The following NOD1 variants were observed in gnomAD, a reference collection of about 807,000 sequenced individuals.
NOD1 encodes nucleotide binding oligomerization domain containing 1.
Under a neutral mutation model 81.2 loss-of-function variants are expected in NOD1, and 70 were observed. The ratio of observed to expected loss-of-function variants is 0.86; its 90% confidence interval spans 0.71 to 1.05. The LOEUF (loss-of-function observed/expected upper bound fraction) is 1.05, where lower values mean the gene tolerates loss of function less well. Ranked by LOEUF, NOD1 falls within the 50% of genes least tolerant of loss-of-function variation. The pLI, the probability that NOD1 is intolerant of heterozygous loss-of-function variation, is 0.00. For missense variants in NOD1, 1,233 were observed against 1,228.0 expected, an observed-to-expected ratio of 1.00 and a Z score of -0.06; for synonymous variants, 508 against 526.9, an observed-to-expected ratio of 0.96 and a Z score of 0.49.
chr7:30,471,511 G>A (rs1206772393), intron 1 of NOD1, among the ~76,000 whole-genome samples: 1 of 152,234 alleles, frequency 6.6e-6, no homozygotes, highest in East Asian at 1.9e-4. Context: ...CCTGTGACCT[G>A]AAAACACCCA....
intron 3 of NOD1, among the ~76,000 whole-genome samples, chr7:30,457,814 G>GGCAAGGAACCTGCGGACAA (rs778415075): frequency 9.9e-4 from 151 of 152,264 alleles, no homozygotes; most frequent in Non-Finnish European, 1.8e-3. Context: ...GGTAGCCAGA[G>GGCAAGGAACCTGCGGACAA]GCAAGGAACC....
At chr7:30,450,823 C>T (rs1190966702) in intron 6 of NOD1, among the ~76,000 whole-genome samples, 1 of 152,148 alleles carries the variant, frequency 6.6e-6, no homozygotes, top group East Asian at 1.9e-4. Context: ...CCTTATCTGC[C>T]AAAATAGAGA....
At position 30,456,916 on chromosome 7, in the gene NOD1, T is replaced by C; in HGVS notation, c.6A>G (p.Glu2=). Residue 2 remains glutamate (E), a synonymous_variant, in exon 4 of 14, where the codon GAA becomes GAG. Coordinates refer to ENST00000222823, the MANE Select transcript of NOD1 (RefSeq NM_006092.4). M[E]EQGHSEMEII... ...TTTCCATCTCACTGTGGCCCTGCTC[T>C]TCCATAGTTAAAGTAGCAAGCGGCT... 2 of 1,614,024 alleles carry C rather than the reference T, an allele frequency of 1.2e-6. No individual in the cohort carries two copies. The highest frequency in any genetic ancestry group is 1.7e-6 in the Non-Finnish European group (2 of 1,179,832).
intron 1 of NOD1, among the ~76,000 whole-genome samples, chr7:30,464,817 T>C (rs1241513756): frequency 6.6e-6 from 1 of 152,220 alleles, no homozygotes; most frequent in Admixed American, 6.5e-5. Context: ...CACCTCAAAA[T>C]GTTGCTGTAA....
intron 6 of NOD1, among the ~76,000 whole-genome samples, chr7:30,448,607 C>A (rs5743349): frequency 0.025 from 3,794 of 152,290 alleles, 150 homozygotes; most frequent in African/African-American, 0.086. Flanking sequence ...TGCAGCACAG[C>A]CCCTGGCTCC....
At chr7:30,472,893 T>C (rs1009629972) in intron 1 of NOD1, among the ~76,000 whole-genome samples, 2 of 152,162 alleles carry the variant, frequency 1.3e-5, no homozygotes, top group African/African-American at 4.8e-5. Flanking sequence ...GCCTCCAAAT[T>C]CCATATGGCC....
In NOD1 at chr7:30,451,466, TG is replaced by T; in HGVS notation, c.1950del (p.Thr651ArgfsTer32). ...ATGCAGCGCAGCATCCAGATGAACG[TG>T]GGCATGGCCTGCACCTGGTTGAAGC... ...VESFNQVQAMPTFIWMLRCIY... is the reference protein window; with the variant it reads ...VESFNQVQAMXTFIWMLRCIY... On this transcript the variant is annotated frameshift_variant, in exon 6 of 14. Transcript: ENST00000222823. LOFTEE classifies it high-confidence loss of function. This position sits in a 1 kb window ranked among gnomAD's most constrained non-coding sequence, Gnocchi z 4.2. 1 of 1,613,526 alleles carries T rather than the reference TG, an allele frequency of 6.2e-7. No homozygotes were observed. Among genetic ancestry groups the T allele is most frequent in the Non-Finnish European group, 8.5e-7 (1 of 1,179,994 alleles).
At chr7:30,450,526 T>C (rs1195092373) in intron 6 of NOD1, among the ~76,000 whole-genome samples, 1 of 152,224 alleles carries the variant, frequency 6.6e-6, no homozygotes, top group Non-Finnish European at 1.5e-5. Flanking sequence ...TGGGCTCTGT[T>C]TCCCGTAAAC....
chr7:30,452,834 C>T lies in NOD1; in HGVS notation c.583G>A (p.Gly195Ser). 3 of 1,614,152 alleles carry T rather than the reference C, an allele frequency of 1.9e-6. No homozygotes were observed. Among genetic ancestry groups the T allele is most frequent in the Non-Finnish European group, 2.5e-6 (3 of 1,180,018 alleles). The change falls in exon 6 of 14, where the codon GGT (glycine) becomes AGT (serine). Residue 195 changes from glycine (G) to serine (S), a missense_variant. Coordinates refer to ENST00000222823, the MANE Select transcript of NOD1 (RefSeq NM_006092.4). Reference protein sequence around the residue: ...DHTTGILNEQGETIFILGDAG... With the variant: ...DHTTGILNEQSETIFILGDAG... ...TCACCCAGGATGAAGATGGTCTCAC[C>T]CTGCTCATTGAGGATGCCGGTGGTG...
chr7:30,436,146 A>G (rs905873376), intron 10 of NOD1, 65 bp from the exon 11 acceptor site: 2 of 1,304,386 alleles, frequency 1.5e-6, no homozygotes, highest in East Asian at 2.3e-5. Flanking sequence ...TAGCTTCAAC[A>G]TCAGAACAGC....
Position 30,447,024 on chromosome 7 carries a change from A to C in NOD1, c.2312T>G (p.Val771Gly). Residue 771 changes from valine (V) to glycine (G), a missense_variant, in exon 8 of 14, where the codon GTC (valine) becomes GGC (glycine). Transcript: ENST00000222823. ...GATTTTGGTGACGTACCTGGCTCCG[A>C]CATCGGTGATCTGGTTGTTGTATAA... ...LGLYNNQITDVGARYVTKILD... is the reference protein window; with the variant it reads ...LGLYNNQITDGGARYVTKILD... 6.2e-7 allele frequency: 1 copy of C among 1,614,196 alleles called. No individual in the cohort carries two copies. The highest frequency in any genetic ancestry group is 8.5e-7 in the Non-Finnish European group (1 of 1,179,996).
chr7:30,425,854 G>A (rs907946688), intron 13 of NOD1, 144 bp from the exon 14 acceptor site: 32 of 687,788 alleles, frequency 4.7e-5, no homozygotes, highest in Non-Finnish European at 8.2e-5. Context: ...ACCCTTTGCA[G>A]ATAGTTCCTT....
chr7:30,452,737 C>T lies in NOD1; in HGVS notation c.680G>A (p.Gly227Glu). 1 of 1,614,004 alleles carries T rather than the reference C, an allele frequency of 6.2e-7. No individual in the cohort carries two copies. The highest frequency in any genetic ancestry group is 1.3e-5 in the African/African-American group (1 of 75,068). ...SLWATGRLDA[G>E]VKFFFHFRCR... is the part of the protein sequence containing the mutation. ...GCGAAAGTGGAAGAAGAATTTGACC[C>T]CTGCGTCTAGCCGGCCCGTGGCCCA... Residue 227 changes from glycine (G) to glutamate (E), a missense_variant, in exon 6 of 14, where the codon GGG (glycine) becomes GAG (glutamate). Physicochemically the swap from Gly to Glu is moderately conservative, Grantham distance 98. Transcript: ENST00000222823.
In NOD1 at chr7:30,478,267, A is replaced by G. The variant is rs574965682; in HGVS notation, c.-352+339T>C. ...TAAAAGATACGGAGGCCTGGGTCTG[A>G]CTCCGTGAGATTCTGATGGAATTGA... On this transcript the variant is annotated intron_variant, in intron 1 of 13. Coordinates refer to ENST00000222823, the MANE Select transcript of NOD1 (RefSeq NM_006092.4). The surrounding 1 kb of genome is among the most constrained non-coding windows in gnomAD (Gnocchi z 4.1). Among the ~76,000 whole-genome samples, 41 of 151,450 alleles carry G rather than the reference A, an allele frequency of 2.7e-4. No individual in the cohort carries two copies. The highest frequency in any genetic ancestry group is 9.9e-4 in the African/African-American group (41 of 41,226).
In NOD1 at chr7:30,456,238, G is replaced by A. The variant is rs560412446; in HGVS notation, c.201+483C>T. Among the ~76,000 whole-genome samples, 4 of 152,286 alleles carry A rather than the reference G, an allele frequency of 2.6e-5. No homozygotes were observed. In the East Asian group the frequency reaches 5.8e-4, roughly 22 times the overall value. Reference sequence around the variant, plus strand: ...TATTTTTCAGGAGATAACGCAAAGCGTAAGTGGAAGTAAGGGCTGTTAAGG... The same window carrying A: ...TATTTTTCAGGAGATAACGCAAAGCATAAGTGGAAGTAAGGGCTGTTAAGG... On this transcript the variant is annotated intron_variant, in intron 4 of 13. Transcript: ENST00000222823.
At chr7:30,434,885 A>C (rs1784250653) in intron 11 of NOD1, among the ~76,000 whole-genome samples, 1 of 152,144 alleles carries the variant, frequency 6.6e-6, no homozygotes, top group Admixed American at 6.5e-5. Flanking sequence ...CTGGGCTCTG[A>C]GTAGATGATA....
chr7:30,464,772 C>A (rs1347987777), intron 1 of NOD1, among the ~76,000 whole-genome samples: 1 of 152,214 alleles, frequency 6.6e-6, no homozygotes, highest in African/African-American at 2.4e-5. Flanking sequence ...GTTAGCCAGC[C>A]TTTCTGTGCC....
intron 9 of NOD1, among the ~76,000 whole-genome samples, chr7:30,439,756 A>G (rs1481699697): frequency 3.0e-5 from 2 of 66,884 alleles, no homozygotes; most frequent in Non-Finnish European, 5.5e-5. Context: ...AGCCCACCAC[A>G]GCTCAAGGAG....
Position 30,451,064 on chromosome 7 carries a change from G to A in NOD1, c.2201+152C>T. On this transcript the variant is annotated intron_variant, in intron 6 of 13. Coordinates refer to ENST00000222823, the MANE Select transcript of NOD1 (RefSeq NM_006092.4). The surrounding 1 kb of genome is among the most constrained non-coding windows in gnomAD (Gnocchi z 4.2). ...CACCTGCCTCGAAGCTTTGCACCTT[G>A]ACCTCTGCCCTGCTAAGAAAGAAAA... The A allele has an allele frequency of 1.0e-6, 1 of 963,014 alleles. No individual in the cohort carries two copies. Among genetic ancestry groups the A allele is most frequent in the Non-Finnish European group, 1.5e-6 (1 of 670,754 alleles). The allele number at this position is 963,014 out of a possible 1,614,324, so 59.7% of individuals were successfully genotyped here.
Sources: allele counts gnomAD v4.1 joint callset (sites outside exome capture counted in the v4.1 genomes callset), GRCh38; gene constraint gnomAD v4.1.1; non-coding constraint Gnocchi (gnomAD v3.1); transcripts MANE v1.5; gene names NCBI Gene and HGNC (gene_info 2026-07-23, HGNC 2026-07-21).